The following BMPR1A variants were observed in gnomAD, a reference collection of about 807,000 sequenced individuals.
The protein encoded by BMPR1A is bone morphogenetic protein receptor type-1A.
A neutral mutation model predicts 66.0 loss-of-function variants in BMPR1A; 7 were observed. The ratio of observed to expected loss-of-function variants is 0.11; its 90% confidence interval spans 0.06 to 0.20. The LOEUF is 0.20. BMPR1A is among the 10% of genes least tolerant of loss of function. The probability of loss-of-function intolerance (pLI) is 1.00; values close to 1 mark genes in which losing one functional copy is unlikely to be tolerated. For synonymous variants in BMPR1A, 200 were observed against 229.7 expected (o/e 0.87, Z 1.17); for missense variants, 408 against 669.1 (o/e 0.61, Z 4.31).
rs566901596 is a variant in BMPR1A, at chr10:86,885,085, C to A, written c.68-4977C>A. Among the ~76,000 whole-genome samples the A allele has an allele frequency of 4.6e-5, 7 of 152,276 alleles. No homozygotes were observed. The South Asian group carries it at 1.5e-3, about 32-fold the overall frequency. On this transcript the variant is annotated intron_variant, in intron 3 of 12. Transcript: ENST00000372037. ...CCCTTTGATTTTCCTCCTAGACCAACGTAGTATGACAGAACTTTGTTTGGT... is the reference window on the plus strand; with the variant it reads ...CCCTTTGATTTTCCTCCTAGACCAAAGTAGTATGACAGAACTTTGTTTGGT...
chr10:86,921,742 T>TA, intron 11 of BMPR1A, 47 bp downstream of exon 11: 2 of 1,612,532 alleles, frequency 1.2e-6, no homozygotes, highest in Non-Finnish European at 1.7e-6. Flanking sequence ...CTCATCATTT[T>TA]AAAAATAACA....
chr10:86,900,001 T>A lies in BMPR1A; in HGVS notation c.431-26T>A, dbSNP rs7920259. On this transcript the variant is annotated intron_variant, in intron 6 of 12. Transcript: ENST00000372037. ...TCAGATTATTTTTTCATTTCAATTG[T>A]TTACATTGTTTACTTTTATTGTCAG... 0.026 allele frequency: 42,354 copies of A among 1,613,238 alleles called. 1,730 individuals carry two copies. Among genetic ancestry groups the A allele is most frequent in the African/African-American group, 0.18 (13,342 of 74,990 alleles).
At chr10:86,779,836 C>T (rs993790781) in intron 1 of BMPR1A, among the ~76,000 whole-genome samples, 6 of 152,136 alleles carry the variant, frequency 3.9e-5, no homozygotes, top group Admixed American at 3.9e-4. Context: ...TCCTGGCCTT[C>T]AGCGATCTTT....
intron 7 of BMPR1A, among the ~76,000 whole-genome samples, chr10:86,904,065 G>A (rs1470208680): frequency 6.6e-6 from 1 of 152,096 alleles, no homozygotes; most frequent in East Asian, 1.9e-4. Flanking sequence ...CACCAAGCCT[G>A]GCTAATTTTT....
intron 3 of BMPR1A, among the ~76,000 whole-genome samples, chr10:86,878,349 T>C (rs1842945644): frequency 6.6e-6 from 1 of 152,214 alleles, no homozygotes. Context: ...AACAGAAAAA[T>C]GAGTCATCTG....
intron 1 of BMPR1A, among the ~76,000 whole-genome samples, chr10:86,827,568 T>C (rs1391198876): frequency 6.6e-6 from 1 of 152,190 alleles, no homozygotes; most frequent in Non-Finnish European, 1.5e-5. Flanking sequence ...ACCTGGATTG[T>C]TGAGTCTTGG....
intron 2 of BMPR1A, among the ~76,000 whole-genome samples, chr10:86,862,574 T>A (rs1010152884): frequency 6.6e-6 from 1 of 152,148 alleles, no homozygotes; most frequent in Non-Finnish European, 1.5e-5. Context: ...GGAGGCCAGT[T>A]AGGAGGTGCC....
chr10:86,811,738 T>C (rs1297609107), intron 1 of BMPR1A, among the ~76,000 whole-genome samples: 1 of 152,222 alleles, frequency 6.6e-6, no homozygotes, highest in African/African-American at 2.4e-5. Flanking sequence ...TGCTGAATGC[T>C]GATTAGGTCT....
At chr10:86,868,791 T>A (rs972851560) in intron 2 of BMPR1A, among the ~76,000 whole-genome samples, 1 of 151,716 alleles carries the variant, frequency 6.6e-6, no homozygotes, top group South Asian at 2.1e-4. Context: ...TTTTTTTTTT[T>A]AAGTTCCAAT....
chr10:86,778,411 T>C (rs1475971726), intron 1 of BMPR1A, among the ~76,000 whole-genome samples: 1 of 152,024 alleles, frequency 6.6e-6, no homozygotes, highest in Non-Finnish European at 1.5e-5. Flanking sequence ...CCCAAAGTGC[T>C]GGATTACAGA....
At chr10:86,771,509 G>C (rs1219100632) in intron 1 of BMPR1A, among the ~76,000 whole-genome samples, 2 of 152,190 alleles carry the variant, frequency 1.3e-5, no homozygotes, top group Non-Finnish European at 2.9e-5. Context: ...TAAGGCTGCA[G>C]AGGTTAAGTA....
intron 2 of BMPR1A, chr10:86,855,752 A>T: frequency 6.0e-6 from 6 of 997,472 alleles, no homozygotes; most frequent in African/African-American, 1.6e-5. Flanking sequence ...CTTTTTCATT[A>T]TGCTTTTTTG....
Position 86,924,581 on chromosome 10 carries a change from T to C in BMPR1A, c.*862T>C, listed in dbSNP as rs1196780325. ...TCCAAAGTTGGAGCTTCTATTGCCA[T>C]GAACCATGCTTACAAAGAAAGCACT... On this transcript the variant is annotated 3_prime_UTR_variant, in exon 13 of 13. Transcript: ENST00000372037. 1 of 233,424 alleles carries C rather than the reference T, an allele frequency of 4.3e-6. No individual in the cohort carries two copies. The highest frequency in any genetic ancestry group is 5.6e-5 in the Admixed American group (1 of 17,786). 14.5% of individuals were successfully genotyped at this position (233,424 alleles called of 1,614,324 possible). A position where few individuals can be genotyped will look rare whatever the true frequency, so the allele number is the denominator to read the frequency against.
rs777122940 is a variant in BMPR1A, at chr10:86,921,491, A to G, written c.1167-29A>G. ...TAAACTATTTTATTTTTGGCCCTCA[A>G]CTTGGACCTTGGCTTTCTTTTGTTT... On this transcript the variant is annotated intron_variant, in intron 10 of 12. Transcript: ENST00000372037. The G allele has an allele frequency of 1.4e-5, 23 of 1,613,358 alleles. 1 individual carries two copies. The South Asian group carries it at 2.5e-4, about 18-fold the overall frequency.
intron 4 of BMPR1A, among the ~76,000 whole-genome samples, chr10:86,890,455 A>C (rs946687781): frequency 1.3e-5 from 2 of 152,162 alleles, no homozygotes; most frequent in Admixed American, 1.3e-4. Flanking sequence ...AAATAAGATC[A>C]AAGGGATCTA....
chr10:86,900,716 A>G (rs1045892822), intron 7 of BMPR1A, among the ~76,000 whole-genome samples: 1 of 152,218 alleles, frequency 6.6e-6, no homozygotes, highest in South Asian at 2.1e-4. Context: ...TGTTTTTATT[A>G]TAATTCCTCA....
At chr10:86,919,599 TGGG>T in intron 10 of BMPR1A, 130 bp downstream of exon 10, 2 of 1,210,216 alleles carry the variant, frequency 1.7e-6, no homozygotes, top group East Asian at 2.6e-5. Context: ...AATGTATAGT[TGGG>T]GGGGATTTTG....
At chr10:86,851,871 C>T (rs762600146) in intron 2 of BMPR1A, among the ~76,000 whole-genome samples, 2 of 152,112 alleles carry the variant, frequency 1.3e-5, no homozygotes, top group South Asian at 2.1e-4. Context: ...CTAATTTTAT[C>T]GTATGAAATG....
At position 86,852,237 on chromosome 10, in the gene BMPR1A, G is replaced by A. The variant is rs201663747; in HGVS notation, c.-153+13258G>A. 3.4e-3 allele frequency among the ~76,000 whole-genome samples: 514 copies of A among 152,186 alleles called. 1 individual carries two copies. The highest frequency in any genetic ancestry group is 4.3e-3 in the Non-Finnish European group (292 of 68,008). ...AATAAAATCAACCATGTTTTCTGGCGAGAAAGCATGTAGGAAGTGAATAAC... is the reference window on the plus strand; with the variant it reads ...AATAAAATCAACCATGTTTTCTGGCAAGAAAGCATGTAGGAAGTGAATAAC... On this transcript the variant is annotated intron_variant, in intron 2 of 12. Coordinates refer to ENST00000372037, the MANE Select transcript of BMPR1A (RefSeq NM_004329.3).
Sources: allele counts gnomAD v4.1 joint callset (sites outside exome capture counted in the v4.1 genomes callset), GRCh38; gene constraint gnomAD v4.1.1; transcripts MANE v1.5; gene names NCBI Gene and HGNC (gene_info 2026-07-23, HGNC 2026-07-21).